The following STAU1 variants were observed in gnomAD, a reference collection of about 807,000 sequenced individuals.
The protein encoded by STAU1 is staufen double-stranded RNA binding protein 1, also known as double-stranded RNA-binding protein Staufen homolog 1.
STAU1 carries 13 observed loss-of-function variants against 62.9 expected under a neutral mutation model. That is an observed-to-expected ratio of 0.21 (90% confidence interval 0.13 to 0.33). STAU1 has a LOEUF of 0.33. Ranked by LOEUF, STAU1 falls within the 10% of genes least tolerant of loss-of-function variation. The probability of loss-of-function intolerance (pLI) is 1.00; values close to 1 mark genes in which losing one functional copy is unlikely to be tolerated. For missense variants in STAU1, 571 were observed against 712.1 expected (o/e 0.80, Z 2.25); for synonymous variants, 269 against 265.1 (o/e 1.01, Z -0.14).
intron 1 of STAU1, among the ~76,000 whole-genome samples, chr20:49,183,298 G>A (rs1425273375): frequency 6.6e-6 from 1 of 152,152 alleles, no homozygotes; most frequent in East Asian, 1.9e-4. Flanking sequence ...TGAGAGGGGA[G>A]GAATTTATAT....
At chr20:49,194,435 A>G in the STAU1 span, among the ~76,000 whole-genome samples, 1 of 148,320 alleles carries the variant, frequency 6.7e-6, no homozygotes, top group African/African-American at 2.5e-5. Flanking sequence ...GTCTCAAAAA[A>G]AAAAAAAAAA....
intron 5 of STAU1, among the ~76,000 whole-genome samples, chr20:49,142,730 T>C (rs145040476): frequency 1.1e-3 from 161 of 152,324 alleles, no homozygotes; most frequent in Admixed American, 2.0e-3. Context: ...AGGAGTATCA[T>C]TAGGAACAAA....
chr20:49,170,078 G>GT (rs529106116), intron 2 of STAU1, among the ~76,000 whole-genome samples: 10 of 152,088 alleles, frequency 6.6e-5, no homozygotes, highest in Admixed American at 2.0e-4. Context: ...CGCTACGAAA[G>GT]TTTTTTTTAA....
At chr20:49,121,935 CCCTGGCCTGGGACTAAATTCCAA>C (rs965299891) in intron 8 of STAU1, among the ~76,000 whole-genome samples, 5 of 152,212 alleles carry the variant, frequency 3.3e-5, no homozygotes, top group Non-Finnish European at 5.9e-5. Flanking sequence ...AGAAACCATT[CCCTGGCCTGGGACTAAATTCCAA>C]CCTGGCCATC....
chr20:49,145,423 C>CAA (rs35023867), intron 5 of STAU1, among the ~76,000 whole-genome samples: 2 of 40,148 alleles, frequency 5.0e-5, no homozygotes, highest in African/African-American at 1.2e-4. Context: ...GACTCCGTCT[C>CAA]AAAAAAAAAA....
At chr20:49,174,850 T>G (rs1006264817) in intron 1 of STAU1, among the ~76,000 whole-genome samples, 1 of 148,320 alleles carries the variant, frequency 6.7e-6, no homozygotes, top group Admixed American at 6.8e-5. Flanking sequence ...GGCAGAATGG[T>G]GTGAACCCGG....
chr20:49,181,543 T>C (rs932458728), intron 1 of STAU1, among the ~76,000 whole-genome samples: 30 of 152,148 alleles, frequency 2.0e-4, no homozygotes, highest in African/African-American at 6.0e-4. Flanking sequence ...GGCAGGCGGA[T>C]TGCCTGAGCT....
intron 6 of STAU1, among the ~76,000 whole-genome samples, chr20:49,133,379 G>A (rs2092795383): frequency 6.6e-6 from 1 of 152,144 alleles, no homozygotes; most frequent in Non-Finnish European, 1.5e-5. Flanking sequence ...AGCCAGCCAG[G>A]CATCTCCCAC....
the STAU1 span, chr20:49,210,492 C>T: frequency 2.2e-6 from 1 of 455,950 alleles, no homozygotes; most frequent in East Asian, 6.9e-5. Context: ...TCCTTCTCCT[C>T]CTTGTTTCTG....
At chr20:49,214,801 T>G in the STAU1 span, among the ~76,000 whole-genome samples, 3 of 152,228 alleles carry the variant, frequency 2.0e-5, no homozygotes, top group African/African-American at 4.8e-5. Flanking sequence ...CCTCATGACC[T>G]AATTACTTCC....
At chr20:49,219,192 A>G in the STAU1 span, 6 of 664,326 alleles carry the variant, frequency 9.0e-6, no homozygotes, top group African/African-American at 3.7e-5. Flanking sequence ...CCCTCCTCAA[A>G]TACTGCCACC....
In STAU1 at chr20:49,151,441, G is replaced by A. The variant is rs139388065; in HGVS notation, c.510+141C>T. 1.2e-4 allele frequency: 98 copies of A among 825,288 alleles called. No homozygotes were observed. The African/African-American group carries it at 1.6e-3, about 13-fold the overall frequency. 51.1% of individuals were successfully genotyped at this position (825,288 alleles called of 1,614,324 possible). ...GAGTAAAAAGCAAGAAAGCTACAGA[G>A]CATAAAATCTTGGAGGCATTCAAAT... On this transcript the variant is annotated intron_variant, in intron 5 of 13. Coordinates refer to ENST00000371856, the MANE Select transcript of STAU1 (RefSeq NM_017453.4).
the STAU1 span, among the ~76,000 whole-genome samples, chr20:49,217,918 G>T: frequency 2.0e-5 from 3 of 151,742 alleles, no homozygotes; most frequent in African/African-American, 7.3e-5. Context: ...TTGTTGCCCA[G>T]GCTGGAGTGC....
chr20:49,187,738 T>C (rs868474482), intron 1 of STAU1, among the ~76,000 whole-genome samples: 170 of 148,498 alleles, frequency 1.1e-3, no homozygotes, highest in African/African-American at 4.0e-3. Flanking sequence ...CCGGCGACAC[T>C]GAGAGGCTCC....
intron 5 of STAU1, among the ~76,000 whole-genome samples, chr20:49,145,356 G>A (rs547258548): frequency 4.6e-5 from 7 of 150,692 alleles, no homozygotes; most frequent in South Asian, 2.1e-4. Flanking sequence ...GCTGGGAGGC[G>A]GAGGTTGCAG....
the STAU1 span, among the ~76,000 whole-genome samples, chr20:49,199,015 G>A: frequency 6.7e-6 from 1 of 148,860 alleles, no homozygotes; most frequent in Non-Finnish European, 1.5e-5. Flanking sequence ...GCGTGGTGGT[G>A]GGCACCTGTA....
chr20:49,172,483 T>C (rs143571259), intron 2 of STAU1, among the ~76,000 whole-genome samples: 92 of 152,326 alleles, frequency 6.0e-4, no homozygotes, highest in African/African-American at 2.1e-3. Flanking sequence ...CTGGAGACTT[T>C]TAAAAGTAGT....
At chr20:49,136,141 A>C (rs571700778) in intron 5 of STAU1, among the ~76,000 whole-genome samples, 2 of 150,056 alleles carry the variant, frequency 1.3e-5, no homozygotes, top group Admixed American at 6.6e-5. Flanking sequence ...AAAACAAAAA[A>C]ACAAAACTTA....
At chr20:49,134,434 G>GAAAAAAAAAAAAAAATAAA (rs3091730) in intron 6 of STAU1, 1 of 361,966 alleles carries the variant, frequency 2.8e-6, no homozygotes, top group African/African-American at 2.7e-5. Flanking sequence ...TCATCTCAGG[G>GAAAAAAAAAAAAAAATAAA]AAAAAAAAAA....
Sources: allele counts gnomAD v4.1 joint callset (sites outside exome capture counted in the v4.1 genomes callset), GRCh38; gene constraint gnomAD v4.1.1; transcripts MANE v1.5; gene names NCBI Gene and HGNC (gene_info 2026-07-23, HGNC 2026-07-21).